Variants in ARHGEF33 observed in about 807,000 individuals in gnomAD.
The protein encoded by ARHGEF33 is DH and coiled-coil domain-containing protein ENSP00000381780.
ARHGEF33 carries 72 observed loss-of-function variants against 101.9 expected under a neutral mutation model. The observed-to-expected ratio is 0.71, with a 90% CI of 0.58 to 0.86. The LOEUF (loss-of-function observed/expected upper bound fraction) is 0.86, where lower values mean the gene tolerates loss of function less well. Ranked by LOEUF, ARHGEF33 falls within the 40% of genes least tolerant of loss-of-function variation. ARHGEF33 has a pLI of 0.00. For synonymous variants in ARHGEF33, 499 were observed against 442.5 expected (o/e 1.13, Z -1.60); for missense variants, 1,169 against 1,111.3 (o/e 1.05, Z -0.74).
chr2:38,907,860 A>ATTTT (rs553491008), intron 2 of ARHGEF33, among the ~76,000 whole-genome samples: 1 of 131,734 alleles, frequency 7.6e-6, no homozygotes, highest in Admixed American at 7.6e-5. Context: ...CTCTGGGAGG[A>ATTTT]TTTTTTTTTT....
At chr2:38,952,262 T>C (rs1667629615) in intron 11 of ARHGEF33, among the ~76,000 whole-genome samples, 1 of 152,280 alleles carries the variant, frequency 6.6e-6, no homozygotes, top group Non-Finnish European at 1.5e-5. Flanking sequence ...TTCTACAGAC[T>C]AGAGTGCATA....
In ARHGEF33 at chr2:38,959,844, T is replaced by G. The variant is rs1200989290; in HGVS notation, c.1539T>G (p.His513Gln). ...GTACTCTGTTTTCCCCCTAAAGACA[T>G]CTGATGCCCCCAGTGAAGAAAAGCC... ...SAPSSGPAITHLMPPVKKSQQ... is the reference protein window; with the variant it reads ...SAPSSGPAITQLMPPVKKSQQ... The change falls in exon 16 of 18, where the codon CAT becomes CAG. Residue 513 changes from histidine (H) to glutamine (Q), a missense_variant. Physicochemically the swap from His to Gln is conservative, Grantham distance 24. Transcript: ENST00000409978. 1.3e-6 allele frequency: 2 copies of G among 1,545,828 alleles called. No individual in the cohort carries two copies. The highest frequency in any genetic ancestry group is 2.7e-5 in the African/African-American group (2 of 72,836).
chr2:38,927,867 G>A (rs982858456), intron 4 of ARHGEF33, among the ~76,000 whole-genome samples: 88 of 152,190 alleles, frequency 5.8e-4, no homozygotes, highest in African/African-American at 2.0e-3. Context: ...TTAACTTACT[G>A]TCTGTTGAAA....
In ARHGEF33 at chr2:38,951,083, G is replaced by A. The variant is rs762057719; in HGVS notation, c.1015G>A (p.Val339Ile). ...GGTCCTGAAGTGGCCACGCCAAGGC[G>A]TTCTTGGAGATTTATTCCTTAAGTT... ...ERVLKWPRQG[V>I]LGDLFLKLTN... The change falls in exon 11 of 18, where the codon GTT becomes ATT. Residue 339 changes from valine to isoleucine, a missense_variant. Coordinates refer to ENST00000409978, the MANE Select transcript of ARHGEF33 (RefSeq NM_001145451.5). The A allele has an allele frequency of 2.1e-5, 33 of 1,551,728 alleles. No individual in the cohort carries two copies. Among genetic ancestry groups the A allele is most frequent in the South Asian group, 3.6e-5 (3 of 84,056 alleles).
intron 4 of ARHGEF33, among the ~76,000 whole-genome samples, chr2:38,926,355 G>C (rs1333291086): frequency 6.6e-6 from 1 of 152,212 alleles, no homozygotes; most frequent in African/African-American, 2.4e-5. Flanking sequence ...TTAAGATCGT[G>C]TCTTCACAGT....
At chr2:38,943,810 C>T (rs1667372528) in intron 9 of ARHGEF33, 91 bp from the exon 10 acceptor site, 2 of 1,307,584 alleles carry the variant, frequency 1.5e-6, no homozygotes, top group Non-Finnish European at 2.1e-6. Context: ...TTATTGCTTT[C>T]AATATCCTTT....
At chr2:38,939,181 C>A (rs995272723) in intron 9 of ARHGEF33, among the ~76,000 whole-genome samples, 62 of 152,278 alleles carry the variant, frequency 4.1e-4, no homozygotes, top group African/African-American at 1.5e-3. Flanking sequence ...ACTGTGTTGG[C>A]CAGGCTAGTC....
intron 16 of ARHGEF33, 27 bp from the exon 17 acceptor site, chr2:38,965,978 GA>G (rs761328904): frequency 3.9e-6 from 6 of 1,549,712 alleles, no homozygotes; most frequent in East Asian, 2.4e-5. Flanking sequence ...AAGGAGTAAA[GA>G]AAAAAATCCC....
At chr2:38,967,186 A>G (rs527811782) in intron 17 of ARHGEF33, among the ~76,000 whole-genome samples, 2 of 152,218 alleles carry the variant, frequency 1.3e-5, no homozygotes, top group Admixed American at 1.3e-4. Flanking sequence ...ATTGGGGGCA[A>G]CCCTGGAGTG....
chr2:38,921,407 C>G lies in ARHGEF33; in HGVS notation c.59C>G (p.Ser20Cys). ...ENEHMPVNNPSTQIYQLQALA... is the reference protein window; with the variant it reads ...ENEHMPVNNPCTQIYQLQALA... The stretch of plus-strand genomic sequence containing the variant: ...GAACATATGCCGGTGAATAATCCTT[C>G]CACGCAGATTTACCAGGTAAAGACA... The change falls in exon 4 of 18, where the codon TCC (serine) becomes TGC (cysteine). Residue 20 changes from serine to cysteine, a missense_variant. Coordinates refer to ENST00000409978, the MANE Select transcript of ARHGEF33 (RefSeq NM_001145451.5). 1 of 1,546,168 alleles carries G rather than the reference C, an allele frequency of 6.5e-7. No homozygotes were observed. Among genetic ancestry groups the G allele is most frequent in the Non-Finnish European group, 8.8e-7 (1 of 1,141,926 alleles).
intron 8 of ARHGEF33, 80 bp downstream of exon 8, chr2:38,935,914 C>T: frequency 8.4e-7 from 1 of 1,187,754 alleles, no homozygotes; most frequent in East Asian, 2.6e-5. Flanking sequence ...CTTCCACTTC[C>T]TTAGTTTCAA....
chr2:38,928,726 C>G (rs2124997282), intron 4 of ARHGEF33, 181 bp from the exon 5 acceptor site: 1 of 482,466 alleles, frequency 2.1e-6, no homozygotes. Context: ...AGAAGACACT[C>G]TTTTTCTTAG....
chr2:38,957,088 T>C (rs1360224481), intron 14 of ARHGEF33, 41 bp downstream of exon 14: 1 of 1,548,014 alleles, frequency 6.5e-7, no homozygotes, highest in Non-Finnish European at 8.7e-7. Context: ...CGAAGACCAG[T>C]TACTATGGGT....
At chr2:38,919,275 A>G in intron 2 of ARHGEF33, 88 bp from the exon 3 acceptor site, 1 of 619,938 alleles carries the variant, frequency 1.6e-6, no homozygotes, top group Non-Finnish European at 2.9e-6. Flanking sequence ...AGCTGTGTTC[A>G]TTTCAATTTT....
intron 9 of ARHGEF33, among the ~76,000 whole-genome samples, chr2:38,941,862 A>G (rs1292192651): frequency 6.6e-6 from 1 of 151,494 alleles, no homozygotes; most frequent in Non-Finnish European, 1.5e-5. Flanking sequence ...TGATTTTTCT[A>G]TCTGGTAACT....
intron 2 of ARHGEF33, among the ~76,000 whole-genome samples, chr2:38,914,879 G>A (rs1445718562): frequency 6.6e-6 from 1 of 151,932 alleles, no homozygotes; most frequent in Non-Finnish European, 1.5e-5. Flanking sequence ...AGTTGGGATT[G>A]GGGAGGAACA....
At position 38,958,146 on chromosome 2, in the gene ARHGEF33, G is replaced by A; in HGVS notation, c.1483G>A (p.Glu495Lys). The A allele has an allele frequency of 6.4e-7, 1 of 1,551,914 alleles. No homozygotes were observed. The highest frequency in any genetic ancestry group is 8.7e-7 in the Non-Finnish European group (1 of 1,147,042). The change falls in exon 15 of 18, where the codon GAA becomes AAA. Residue 495 changes from glutamate (E) to lysine (K), a missense_variant. Transcript: ENST00000409978. ...TGTCCGTGACACTGGGATCCACTCA[G>A]AAGAGTTGCTGCAACCCTACCCTTC... ...EAVRDTGIHS[E>K]ELLQPYPSAP... is the part of the protein sequence containing the mutation.
In ARHGEF33 at chr2:38,960,510, C is replaced by G. The variant is rs1667899772; in HGVS notation, c.2205C>G (p.Arg735=). 7.4e-7 allele frequency: 1 copy of G among 1,344,532 alleles called. No individual in the cohort carries two copies. The highest frequency in any genetic ancestry group is 3.6e-5 in the Admixed American group (1 of 27,478). The allele number at this position is 1,344,532 out of a possible 1,614,324, so 83.3% of individuals were successfully genotyped here. A position where few individuals can be genotyped will look rare whatever the true frequency, so the allele number is the denominator to read the frequency against. Reference sequence around the variant, plus strand: ...GCACGCGCAGCAGCAGCGGCGGCCGCGCGCCCATCAAGGCCGAGCGCGCCG... The same window carrying G: ...GCACGCGCAGCAGCAGCGGCGGCCGGGCGCCCATCAAGGCCGAGCGCGCCG... ...LYSTRSSSGG[R]APIKAERAAQ... is the part of the protein sequence containing the mutation. The change falls in exon 16 of 18, where the codon CGC becomes CGG. Residue 735 remains arginine (R), a synonymous_variant. Coordinates refer to ENST00000409978, the MANE Select transcript of ARHGEF33 (RefSeq NM_001145451.5).
Position 38,942,005 on chromosome 2 carries a change from ATTTT to A in ARHGEF33, c.791-1885_791-1882del, listed in dbSNP as rs70954774. On this transcript the variant is annotated intron_variant, in intron 9 of 17. Coordinates refer to ENST00000409978, the MANE Select transcript of ARHGEF33 (RefSeq NM_001145451.5). The stretch of plus-strand genomic sequence containing the variant: ...TTTCTCTGGAAATACATGTCTTGGG[ATTTT>A]TTTTTTTTTTGCCTGTTATTAATTT... 4.4e-3 allele frequency among the ~76,000 whole-genome samples: 644 copies of A among 147,944 alleles called. 2 individuals are homozygous for A. Among genetic ancestry groups the A allele is most frequent in the African/African-American group, 7.9e-3 (319 of 40,238 alleles).
Sources: gnomAD v4.1 joint callset for allele counts (sites outside exome capture counted in the v4.1 genomes callset) on GRCh38, gnomAD v4.1.1 for gene constraint, MANE v1.5 for transcripts, NCBI Gene and HGNC (gene_info 2026-07-23, HGNC 2026-07-21) for gene names.